Variants in SSH1 observed in about 807,000 individuals in gnomAD.
The protein encoded by SSH1 is slingshot protein phosphatase 1.
SSH1 carries 43 observed loss-of-function variants against 79.7 expected under a neutral mutation model. The ratio of observed to expected loss-of-function variants is 0.54; its 90% CI spans 0.42 to 0.70. The LOEUF (loss-of-function observed/expected upper bound fraction) is 0.70, where lower values mean the gene tolerates loss of function less well. Ranked by LOEUF, SSH1 falls within the 30% of genes least tolerant of loss-of-function variation. The probability of loss-of-function intolerance (pLI) is 0.00; values close to 1 mark genes in which losing one functional copy is unlikely to be tolerated. For synonymous variants in SSH1, 599 were observed against 538.3 expected (o/e 1.11, Z -1.56); for missense variants, 1,206 against 1,358.8 (o/e 0.89, Z 1.77).
chr12:108,835,033 G>C (rs1490202234), intron 2 of SSH1, among the ~76,000 whole-genome samples: 1 of 152,136 alleles, frequency 6.6e-6, no homozygotes, highest in East Asian at 1.9e-4. Context: ...GGTCAGGTCA[G>C]GTCTTCCTGA....
chr12:108,820,979 G>C (rs565455872), intron 3 of SSH1, among the ~76,000 whole-genome samples: 1 of 152,338 alleles, frequency 6.6e-6, no homozygotes, highest in African/African-American at 2.4e-5. Flanking sequence ...GGAGGTATCT[G>C]ACACTTAGTG....
chr12:108,845,995 AC>A lies in SSH1; in HGVS notation c.110+6642del, dbSNP rs1164030358. On this transcript the variant is annotated intron_variant, in intron 2 of 14. Transcript: ENST00000326495. Reference sequence around the variant, plus strand: ...TGGTCTGCAGGGCAATGACATGCCAACCCCCATCCACTCTGACACTGTAGGG... The same window carrying A: ...TGGTCTGCAGGGCAATGACATGCCAACCCCATCCACTCTGACACTGTAGGG... Among the ~76,000 whole-genome samples, 6 of 152,306 alleles carry A rather than the reference AC, an allele frequency of 3.9e-5. No homozygotes were observed. In the East Asian group the frequency reaches 1.2e-3, roughly 29 times the overall value.
intron 2 of SSH1, chr12:108,826,254 C>A: frequency 2.3e-6 from 1 of 429,186 alleles, no homozygotes; most frequent in Non-Finnish European, 4.6e-6. Flanking sequence ...ACTCTGTGAT[C>A]ACTTACAAGG....
At position 108,789,243 on chromosome 12, in the gene SSH1, T is replaced by C; in HGVS notation, c.1895A>G (p.Asp632Gly). The C allele has an allele frequency of 6.3e-7, 1 of 1,591,706 alleles. No homozygotes were observed. Among genetic ancestry groups the C allele is most frequent in the Non-Finnish European group, 8.6e-7 (1 of 1,168,378 alleles). The part of the protein sequence containing the change: ...SKRSCPNGME[D>G]DAIFGILNKV... The stretch of plus-strand genomic sequence containing the variant: ...GTTAAGGATCCCAAATATAGCATCA[T>C]CCTGCAAGGAAGGGGACAAGAGCAT... The change falls in exon 15 of 15, where the codon GAT becomes GGT. Residue 632 changes from aspartate (D) to glycine (G), a missense_variant and splice_region_variant. Asp to Gly is a moderately conservative substitution (Grantham distance 94). This residue lies in a region of SSH1 where 709 missense variants were observed against 730.6 expected (regional missense o/e 0.97). Transcript: ENST00000326495.
At chr12:108,816,759 A>G (rs911808644) in intron 5 of SSH1, among the ~76,000 whole-genome samples, 1 of 151,930 alleles carries the variant, frequency 6.6e-6, no homozygotes. Flanking sequence ...AAGGTGCCCC[A>G]CTCTATAGCA....
At chr12:108,800,655 T>C in intron 12 of SSH1, 125 bp downstream of exon 12, 1 of 1,165,232 alleles carries the variant, frequency 8.6e-7, no homozygotes. Flanking sequence ...AACTCCTGCG[T>C]CTGGAGTCCC....
At chr12:108,816,262 G>A (rs967609248) in intron 5 of SSH1, among the ~76,000 whole-genome samples, 1 of 152,210 alleles carries the variant, frequency 6.6e-6, no homozygotes, top group Non-Finnish European at 1.5e-5. Flanking sequence ...CAAGAACTGT[G>A]TGTACTGTTG....
intron 2 of SSH1, among the ~76,000 whole-genome samples, chr12:108,850,397 T>G (rs1009818741): frequency 1.2e-3 from 4 of 3,440 alleles, no homozygotes; most frequent in African/African-American, 1.4e-3. Context: ...GGAGGGGAGA[T>G]GGGGGAGGGG....
At chr12:108,793,803 C>T (rs375703248) in intron 13 of SSH1, among the ~76,000 whole-genome samples, 1 of 152,176 alleles carries the variant, frequency 6.6e-6, no homozygotes, top group Admixed American at 6.5e-5. Flanking sequence ...CACAGGCTTG[C>T]GAGGGTTAAA....
chr12:108,790,674 G>A (rs1283868724), intron 14 of SSH1, among the ~76,000 whole-genome samples: 1 of 152,218 alleles, frequency 6.6e-6, no homozygotes, highest in Non-Finnish European at 1.5e-5. Context: ...GATTTGGAAT[G>A]CTTTATGGAG....
chr12:108,856,808 C>T (rs894826631), intron 1 of SSH1, among the ~76,000 whole-genome samples: 1 of 152,210 alleles, frequency 6.6e-6, no homozygotes, highest in African/African-American at 2.4e-5. Flanking sequence ...TAGAACTACC[C>T]CGGCCACAGG....
intron 6 of SSH1, among the ~76,000 whole-genome samples, chr12:108,810,041 GTCTC>G (rs1171578527): frequency 2.0e-5 from 3 of 152,078 alleles, no homozygotes; most frequent in East Asian, 1.9e-4. Context: ...CTCCGAGAGC[GTCTC>G]TCTATGTTCC....
In SSH1 at chr12:108,782,018, G is replaced by A. The variant is rs2036150868; in HGVS notation, c.*5970C>T. The A allele has an allele frequency of 6.6e-6, 1 of 151,962 alleles. No individual in the cohort carries two copies. The highest frequency in any genetic ancestry group is 1.5e-5 in the Non-Finnish European group (1 of 68,040). 9.4% of individuals were successfully genotyped at this position (151,962 alleles called of 1,614,324 possible). ...TAGTCCCAGCTACTGGGGAGGCTGA[G>A]GTGGGAGGATTGCTTGAGGCAGGAG... On this transcript the variant is annotated 3_prime_UTR_variant, in exon 15 of 15. Coordinates refer to ENST00000326495, the MANE Select transcript of SSH1 (RefSeq NM_018984.4).
At chr12:108,794,205 G>C (rs974573426) in intron 13 of SSH1, among the ~76,000 whole-genome samples, 1 of 152,248 alleles carries the variant, frequency 6.6e-6, no homozygotes, top group African/African-American at 2.4e-5. Context: ...TCCCAGGGAG[G>C]CCTGCTTCTT....
At chr12:108,846,876 A>G (rs1229622123) in intron 2 of SSH1, among the ~76,000 whole-genome samples, 1 of 150,678 alleles carries the variant, frequency 6.6e-6, no homozygotes, top group Non-Finnish European at 1.5e-5. Context: ...AACCAAGCCC[A>G]CTGTGGACCT....
At chr12:108,831,692 G>C (rs936767741) in intron 2 of SSH1, among the ~76,000 whole-genome samples, 1 of 152,226 alleles carries the variant, frequency 6.6e-6, no homozygotes, top group Non-Finnish European at 1.5e-5. Flanking sequence ...TAAGGGGCAG[G>C]AGAGTAAGAT....
chr12:108,808,560 T>C (rs906015838), intron 7 of SSH1, among the ~76,000 whole-genome samples: 3 of 152,238 alleles, frequency 2.0e-5, no homozygotes, highest in Non-Finnish European at 2.9e-5. Flanking sequence ...ATGACCCACA[T>C]TGAACCTAAG....
rs1351361225 is a variant in SSH1 at position 108,788,758 on chromosome 12, T to C, written c.2380A>G (p.Ser794Gly). Residue 794 changes from serine to glycine, a missense_variant, in exon 15 of 15, where the codon AGT becomes GGT. Coordinates refer to ENST00000326495, the MANE Select transcript of SSH1 (RefSeq NM_018984.4). ...KPAKDLRLLF[S>G]NESEKPTTNS... ...GTTGTCGGCTTCTCAGATTCATTAC[T>C]GAACAGAAGCCTCAGGTCCTTGGCT... 1.2e-6 allele frequency: 2 copies of C among 1,614,268 alleles called. No homozygotes were observed. The highest frequency in any genetic ancestry group is 4.5e-5 in the East Asian group (2 of 44,888).
chr12:108,825,316 T>A (rs1024951411), intron 2 of SSH1, among the ~76,000 whole-genome samples: 1 of 152,192 alleles, frequency 6.6e-6, no homozygotes, highest in African/African-American at 2.4e-5. Context: ...ACATCTAATG[T>A]TAGTAGTTAA....
Sources: gnomAD v4.1 joint callset for allele counts (sites outside exome capture counted in the v4.1 genomes callset) on GRCh38, gnomAD v4.1.1 for gene constraint, gnomAD v4.1.1 regional missense constraint, MANE v1.5 for transcripts, NCBI Gene and HGNC (gene_info 2026-07-23, HGNC 2026-07-21) for gene names.